KLHL13: variants seen among roughly 807,000 people sequenced by gnomAD.
KLHL13 encodes kelch like family member 13.
KLHL13 carries 10 observed loss-of-function variants against 37.1 expected under a neutral mutation model. That is an observed-to-expected ratio of 0.27 (90% confidence interval 0.17 to 0.46). KLHL13 has a LOEUF of 0.46. Among genes scored for constraint, KLHL13 ranks in the 20% least tolerant of loss-of-function variants. The pLI is 1.00. For synonymous variants in KLHL13, 163 were observed against 181.2 expected, an observed-to-expected ratio of 0.90 and a Z score of 0.81; for missense variants, 360 against 509.3, an observed-to-expected ratio of 0.71 and a Z score of 2.82.
At chrX:117,983,470 C>A in intron 1 of KLHL13, 4 of 1,123,923 alleles carry the variant, frequency 3.6e-6, no homozygotes. Context: ...ATGTAGACCC[C>A]TGGACATACC....
At chrX:117,939,630 T>C (rs1197587967) in intron 2 of KLHL13, among the ~76,000 whole-genome samples, 1 of 112,266 alleles carries the variant, frequency 8.9e-6, no homozygotes, top group Non-Finnish European at 1.9e-5. Context: ...ATGATCACCA[T>C]TCTAACTGGC....
At chrX:118,087,824 T>C (rs1007948635) in intron 1 of KLHL13, among the ~76,000 whole-genome samples, 2 of 111,374 alleles carry the variant, frequency 1.8e-5, no homozygotes, top group Non-Finnish European at 3.8e-5. Context: ...ATGGAAAATA[T>C]AGTGGCCCCA....
At chrX:118,111,824 G>A (rs1416333147) in intron 1 of KLHL13, among the ~76,000 whole-genome samples, 6 of 112,065 alleles carry the variant, frequency 5.4e-5, no homozygotes, top group African/African-American at 1.3e-4. Flanking sequence ...CCCAGGAGGC[G>A]GAGGTTGCAG....
At chrX:118,115,767 T>C (rs1040219505) in intron 1 of KLHL13, among the ~76,000 whole-genome samples, 3 of 112,416 alleles carry the variant, frequency 2.7e-5, no homozygotes, top group Admixed American at 9.4e-5. Flanking sequence ...CGTACCAACA[T>C]ATATACATAC....
chrX:117,922,525 G>A (rs148245975), intron 2 of KLHL13, among the ~76,000 whole-genome samples: 1,338 of 111,765 alleles, frequency 0.012, 14 homozygotes, highest in Non-Finnish European at 0.016. Flanking sequence ...AGTCACATTG[G>A]GTAGGATGTA....
chrX:118,095,861 A>C (rs2055199224), intron 1 of KLHL13, among the ~76,000 whole-genome samples: 1 of 112,231 alleles, frequency 8.9e-6, no homozygotes, highest in Non-Finnish European at 1.9e-5. Flanking sequence ...AAGACACAAC[A>C]TACCAGAATC....
At chrX:118,084,555 C>A (rs1436950015) in intron 1 of KLHL13, among the ~76,000 whole-genome samples, 2 of 111,843 alleles carry the variant, frequency 1.8e-5, no homozygotes, top group Admixed American at 1.9e-4. Context: ...AATGCACATG[C>A]CTTTTGCTGC....
At chrX:117,991,584 C>T (rs942532744) in intron 1 of KLHL13, among the ~76,000 whole-genome samples, 1 of 110,937 alleles carries the variant, frequency 9.0e-6, no homozygotes, top group African/African-American at 3.3e-5. Flanking sequence ...CCCAGCCCCA[C>T]CTTATCTATT....
exon 4 of KLHL13, chrX:117,919,611 A>G (rs752365648): frequency 1.5e-5 from 18 of 1,209,225 alleles, no homozygotes; most frequent in Non-Finnish European, 2.0e-5. Flanking sequence ...GGTTGTCCAT[A>G]TTAAGAGAAA....
chrX:117,965,677 C>G (rs766914036), intron 1 of KLHL13, among the ~76,000 whole-genome samples: 1 of 111,519 alleles, frequency 9.0e-6, no homozygotes, highest in South Asian at 3.8e-4. Context: ...CAAACGGAAT[C>G]CAGCAGCACA....
intron 1 of KLHL13, among the ~76,000 whole-genome samples, chrX:118,085,084 T>C (rs2055039089): frequency 9.1e-6 from 1 of 110,397 alleles, no homozygotes; most frequent in Non-Finnish European, 1.9e-5. Context: ...TATACACAAA[T>C]GCTAACAGCA....
exon 5 of KLHL13, chrX:117,909,852 A>G: frequency 8.3e-7 from 1 of 1,209,690 alleles, no homozygotes; most frequent in Non-Finnish European, 1.1e-6. Context: ...AGCAAAGTCC[A>G]TCCGAGGCTC....
intron 2 of KLHL13, among the ~76,000 whole-genome samples, chrX:117,938,572 T>C (rs1471843516): frequency 9.0e-6 from 1 of 111,472 alleles, no homozygotes; most frequent in Non-Finnish European, 1.9e-5. Context: ...TGAGAACCAT[T>C]GCTTTAAATA....
At chrX:117,903,815 A>G (rs935529942) in intron 5 of KLHL13, among the ~76,000 whole-genome samples, 11 of 110,899 alleles carry the variant, frequency 9.9e-5, no homozygotes, top group Non-Finnish European at 1.5e-4. Context: ...AGGATTCACT[A>G]TAGTTTTACA....
chrX:118,014,034 A>C (rs2147995554), intron 1 of KLHL13, among the ~76,000 whole-genome samples: 1 of 112,326 alleles, frequency 8.9e-6, no homozygotes, highest in South Asian at 3.7e-4. Context: ...AATTGATTGT[A>C]AAATATGTGT....
At chrX:118,100,639 G>T (rs1044741891) in intron 1 of KLHL13, among the ~76,000 whole-genome samples, 2 of 110,840 alleles carry the variant, frequency 1.8e-5, no homozygotes, top group African/African-American at 6.6e-5. Context: ...TGTATTACTC[G>T]CCTACTTAAA....
At chrX:118,116,806 G>A (rs1309012779), upstream of KLHL13, 1 of 104,584 alleles carries the variant, frequency 9.6e-6, no homozygotes, top group Admixed American at 9.9e-5. Flanking sequence ...ACCTCACCAG[G>A]GTGTGGGGGG....
At chrX:117,979,827 T>C (rs933617134) in intron 1 of KLHL13, among the ~76,000 whole-genome samples, 2 of 111,456 alleles carry the variant, frequency 1.8e-5, no homozygotes, top group Admixed American at 9.5e-5. Context: ...AATATTCCAA[T>C]AAAAAAATCT....
chrX:117,988,926 C>A (rs1361224149), intron 1 of KLHL13, among the ~76,000 whole-genome samples: 1 of 111,751 alleles, frequency 8.9e-6, no homozygotes, highest in Non-Finnish European at 1.9e-5. Context: ...ACTCTTAAAT[C>A]AATTGCTATT....
Sources: allele counts gnomAD v4.1 joint callset (sites outside exome capture counted in the v4.1 genomes callset), GRCh38; gene constraint gnomAD v4.1.1; transcripts MANE v1.5; gene names NCBI Gene and HGNC (gene_info 2026-07-23, HGNC 2026-07-21).